MIOS: variants seen among roughly 807,000 people sequenced by gnomAD.
MIOS encodes the protein GATOR2 complex protein MIOS.
A neutral mutation model predicts 96.9 loss-of-function variants in MIOS; 52 were observed. The ratio of observed to expected loss-of-function variants is 0.54; its 90% CI spans 0.43 to 0.68. The LOEUF (loss-of-function observed/expected upper bound fraction) is 0.68, where lower values mean the gene tolerates loss of function less well. Among genes scored for constraint, MIOS ranks in the 30% least tolerant of loss-of-function variants. The probability of loss-of-function intolerance (pLI) is 0.00; values close to 1 mark genes in which losing one functional copy is unlikely to be tolerated. For missense variants in MIOS, 1,005 were observed against 1,052.8 expected (o/e 0.95, Z 0.63); for synonymous variants, 397 against 359.5 (o/e 1.10, Z -1.18).
At chr7:7,598,736 A>G (rs1393383734) in intron 11 of MIOS, among the ~76,000 whole-genome samples, 1 of 152,200 alleles carries the variant, frequency 6.6e-6, no homozygotes, top group Non-Finnish European at 1.5e-5. Flanking sequence ...TTTTTGCTGA[A>G]TACCAGTTTT....
Position 7,603,684 on chromosome 7 carries a change from C to T in MIOS, c.2402-2258C>T, listed in dbSNP as rs539437636. Among the ~76,000 whole-genome samples, 547 of 152,248 alleles carry T rather than the reference C, an allele frequency of 3.6e-3. 3 individuals are homozygous for T. Among genetic ancestry groups the T allele is most frequent in the Non-Finnish European group, 6.0e-3 (407 of 68,024 alleles). ...CCTCAGGGATCTAGAACTAGAAATA[C>T]CATTTGACCCAGCCATTCTATTACT... On this transcript the variant is annotated intron_variant, in intron 11 of 12. Coordinates refer to ENST00000340080, the MANE Select transcript of MIOS (RefSeq NM_019005.4).
At chr7:7,580,694 C>CT (rs377207804) in intron 5 of MIOS, among the ~76,000 whole-genome samples, 99,339 of 129,970 alleles carry the variant, frequency 0.76, 39,657 homozygotes, top group East Asian at 0.94. Context: ...ACTATTTTAC[C>CT]TTTTTTTTTT....
At chr7:7,597,951 C>CTATATTTTTT (rs1388493288) in intron 11 of MIOS, among the ~76,000 whole-genome samples, 2 of 152,124 alleles carry the variant, frequency 1.3e-5, no homozygotes, top group African/African-American at 4.8e-5. Context: ...AGGCATGAGC[C>CTATATTTTTT]ACCATGCCCA....
At chr7:7,591,210 C>A (rs1237884776) in intron 9 of MIOS, among the ~76,000 whole-genome samples, 1 of 151,836 alleles carries the variant, frequency 6.6e-6, no homozygotes, top group African/African-American at 2.4e-5. Context: ...GATGTAGTTT[C>A]ACTGTCTTCT....
intron 5 of MIOS, among the ~76,000 whole-genome samples, chr7:7,575,116 CT>C (rs961404168): frequency 6.6e-6 from 1 of 152,014 alleles, no homozygotes; most frequent in Non-Finnish European, 1.5e-5. Flanking sequence ...CGTTCTCTAA[CT>C]TTTGGTAAGT....
intron 5 of MIOS, among the ~76,000 whole-genome samples, chr7:7,574,833 G>A (rs1783476788): frequency 6.6e-6 from 1 of 151,382 alleles, no homozygotes. Flanking sequence ...TTCTTTTACT[G>A]GAATTGAATA....
At chr7:7,585,829 T>A in intron 7 of MIOS, 24 bp downstream of exon 7, 3 of 1,573,874 alleles carry the variant, frequency 1.9e-6, no homozygotes, top group Non-Finnish European at 1.7e-6. Context: ...TTTTTTAAGA[T>A]CTTCCTTTGA....
intron 5 of MIOS, chr7:7,582,552 CATT>C: frequency 7.1e-6 from 5 of 708,490 alleles, no homozygotes; most frequent in Non-Finnish European, 8.7e-6. Flanking sequence ...AAGTTAGTCC[CATT>C]ATATTTTAAA....
At chr7:7,602,514 C>G (rs1201287169) in intron 11 of MIOS, among the ~76,000 whole-genome samples, 2 of 152,070 alleles carry the variant, frequency 1.3e-5, no homozygotes, top group Non-Finnish European at 2.9e-5. Context: ...ATCCAACTTA[C>G]AAGGGATGTG....
At chr7:7,592,235 C>T (rs368242617) in intron 9 of MIOS, among the ~76,000 whole-genome samples, 14 of 152,278 alleles carry the variant, frequency 9.2e-5, no homozygotes, top group African/African-American at 1.9e-4. Flanking sequence ...GTGATCTGCC[C>T]GCCTCGGCCT....
downstream of MIOS, chr7:7,609,037 A>T (rs1784598778): frequency 6.6e-6 from 1 of 152,064 alleles, no homozygotes; most frequent in African/African-American, 2.4e-5. Flanking sequence ...GGGTTTATAA[A>T]CTCAACAAGA....
chr7:7,575,920 A>G (rs1583626955), intron 5 of MIOS, among the ~76,000 whole-genome samples: 1 of 149,450 alleles, frequency 6.7e-6, no homozygotes, highest in African/African-American at 2.4e-5. Context: ...TGTTTCTACT[A>G]CCCAAAGGTG....
intron 5 of MIOS, among the ~76,000 whole-genome samples, chr7:7,581,312 AAAG>A (rs1012823316): frequency 6.6e-6 from 1 of 152,088 alleles, no homozygotes; most frequent in African/African-American, 2.4e-5. Flanking sequence ...CAAAAAAAGA[AAAG>A]AAAAATTTTA....
chr7:7,579,144 G>T (rs1318101035), intron 5 of MIOS, among the ~76,000 whole-genome samples: 1 of 152,134 alleles, frequency 6.6e-6, no homozygotes, highest in Non-Finnish European at 1.5e-5. Context: ...TACATAACAT[G>T]CATAAATATA....
intron 3 of MIOS, among the ~76,000 whole-genome samples, chr7:7,571,699 A>G (rs2348337): frequency 0.63 from 95,210 of 151,904 alleles, 31,015 homozygotes; most frequent in Admixed American, 0.74. Context: ...CCCACACACA[A>G]TGACTTTTCT....
chr7:7,596,428 A>G lies in MIOS; in HGVS notation c.2368A>G (p.Ile790Val). 1 of 1,614,124 alleles carries G rather than the reference A, an allele frequency of 6.2e-7. No individual in the cohort carries two copies. Among genetic ancestry groups the G allele is most frequent in the Non-Finnish European group, 8.5e-7 (1 of 1,180,012 alleles). Residue 790 changes from isoleucine to valine, a missense_variant, in exon 11 of 13, where the codon ATT becomes GTT. By Grantham distance (29) the Ile-to-Val change is conservative (BLOSUM62 3). Coordinates refer to ENST00000340080, the MANE Select transcript of MIOS (RefSeq NM_019005.4). Reference protein sequence around the residue: ...KPLPRCALCLINMGTPVSSCP... With the variant: ...KPLPRCALCLVNMGTPVSSCP... ...ACTTCCTCGATGTGCGCTTTGTCTC[A>G]TTAATATGGGAACACCAGTTTCTAG...
chr7:7,603,369 GA>G, intron 11 of MIOS, among the ~76,000 whole-genome samples: 1 of 151,696 alleles, frequency 6.6e-6, no homozygotes, highest in East Asian at 1.9e-4. Flanking sequence ...AAATTTACAA[GA>G]AAAAAACAAC....
rs570786098 is a variant in MIOS, at chr7:7,578,342, T to C, written c.1393+4146T>C. Among the ~76,000 whole-genome samples the C allele has an allele frequency of 2.6e-5, 4 of 152,240 alleles. No homozygotes were observed. In the South Asian group the frequency reaches 8.3e-4, roughly 32 times the overall value. On this transcript the variant is annotated intron_variant, in intron 5 of 12. Transcript: ENST00000340080. ...AGATGGCAGAAAGTTGTATAAAAAA[T>C]ATTGGCCTGCTTTAATCCATCATGA... is the stretch of plus-strand genomic sequence containing the variant.
chr7:7,574,287 A>C, intron 5 of MIOS, 91 bp downstream of exon 5: 1 of 906,920 alleles, frequency 1.1e-6, no homozygotes, highest in Non-Finnish European at 1.6e-6. Flanking sequence ...TTATCTAGTT[A>C]TTTCAGGATC....
Sources: gnomAD v4.1 joint callset for allele counts (sites outside exome capture counted in the v4.1 genomes callset) on GRCh38, gnomAD v4.1.1 for gene constraint, MANE v1.5 for transcripts, NCBI Gene and HGNC (gene_info 2026-07-23, HGNC 2026-07-21) for gene names.